The following ZEB1 variants were observed in gnomAD, a reference collection of about 807,000 sequenced individuals.
ZEB1 encodes the protein zinc finger E-box-binding homeobox 1.
ZEB1 carries 21 observed loss-of-function variants against 84.9 expected under a neutral mutation model. The ratio of observed to expected loss-of-function variants is 0.25; its 90% CI spans 0.18 to 0.36. ZEB1 has a LOEUF of 0.36. ZEB1 is among the 10% of genes least tolerant of loss of function. ZEB1 has a pLI of 1.00. For synonymous variants in ZEB1, 420 were observed against 471.1 expected (o/e 0.89, Z 1.41); for missense variants, 1,104 against 1,330.2 (o/e 0.83, Z 2.65).
intron 2 of ZEB1, among the ~76,000 whole-genome samples, chr10:31,485,000 A>G (rs529127140): frequency 2.0e-5 from 3 of 151,908 alleles, no homozygotes; most frequent in East Asian, 1.9e-4. Context: ...GGTCTTTCCA[A>G]TTTTGTATTT....
intron 3 of ZEB1, among the ~76,000 whole-genome samples, chr10:31,501,933 G>A (rs1315428184): frequency 1.3e-5 from 2 of 152,118 alleles, no homozygotes; most frequent in African/African-American, 2.4e-5. Flanking sequence ...ACAGATAAGG[G>A]GCTGTCTATT....
In ZEB1 at chr10:31,321,700, G is replaced by A. The variant is rs2034116107; in HGVS notation, c.58+2408G>A. 4.2e-6 allele frequency: 4 copies of A among 950,554 alleles called. No homozygotes were observed. In the Admixed American group the frequency reaches 8.1e-5, roughly 19 times the overall value. The allele number at this position is 950,554 out of a possible 1,614,324, so 58.9% of individuals were successfully genotyped here. ...ATGTTTACCTGAACAGGAAAGAATG[G>A]ATTTTTCTCCTTGAGATCCTGTGAT... On this transcript the variant is annotated intron_variant, in intron 1 of 8. Transcript: ENST00000424869.
chr10:31,426,180 C>A (rs1232841311), intron 1 of ZEB1, among the ~76,000 whole-genome samples: 2 of 152,150 alleles, frequency 1.3e-5, no homozygotes, highest in African/African-American at 2.4e-5. Context: ...GGTTAAAGTG[C>A]TTTGTAACTT....
At chr10:31,458,236 G>C (rs780260130) in intron 1 of ZEB1, among the ~76,000 whole-genome samples, 5 of 151,852 alleles carry the variant, frequency 3.3e-5, no homozygotes, top group Admixed American at 1.3e-4. Flanking sequence ...TTATCAAGTA[G>C]GTTGCTAATA....
At chr10:31,339,796 G>T (rs1178268503) in intron 1 of ZEB1, among the ~76,000 whole-genome samples, 1 of 151,434 alleles carries the variant, frequency 6.6e-6, no homozygotes, top group Non-Finnish European at 1.5e-5. Context: ...ATATAAAATA[G>T]TTTATAGCAG....
At chr10:31,342,657 TAAG>T (rs916151234) in intron 1 of ZEB1, among the ~76,000 whole-genome samples, 18 of 152,128 alleles carry the variant, frequency 1.2e-4, no homozygotes, top group Non-Finnish European at 2.1e-4. Context: ...GATCTATAGA[TAAG>T]AAGCAGCAGA....
rs1477127837 is a variant in ZEB1 at position 31,363,946 on chromosome 10, C to T, written c.58+44654C>T. The T allele has an allele frequency of 3.5e-5, 45 of 1,297,550 alleles. No homozygotes were observed. The South Asian group carries it at 4.2e-4, about 12-fold the overall frequency. 80.4% of individuals were successfully genotyped at this position (1,297,550 alleles called of 1,614,324 possible). Reference sequence around the variant, plus strand: ...AGGTGCAGGAGCTGCAGGGTGAGCCCGGCCAGCTGGGAAGGCCTCACGGAC... The same window carrying T: ...AGGTGCAGGAGCTGCAGGGTGAGCCTGGCCAGCTGGGAAGGCCTCACGGAC... On this transcript the variant is annotated intron_variant, in intron 1 of 8. Transcript: ENST00000424869.
intron 2 of ZEB1, among the ~76,000 whole-genome samples, chr10:31,475,217 A>AG (rs1192786605): frequency 6.8e-6 from 1 of 146,366 alleles, no homozygotes; most frequent in Admixed American, 6.6e-5. Flanking sequence ...TAATAATAAA[A>AG]GAAAAAAAAA....
chr10:31,520,277 G>T lies in ZEB1; in HGVS notation c.945G>T (p.Pro315=). The change falls in exon 7 of 9, where the codon CCG becomes CCT. Residue 315 remains proline, a synonymous_variant. Transcript: ENST00000424869. This position sits in a 1 kb window ranked among gnomAD's most constrained non-coding sequence, Gnocchi z 5.1. ...TCAAGACATCTCAGTGTTCTTCACC[G>T]TCTCTTTCAGCATCACCAGGCAGTC... ...TGLKTSQCSS[P]SLSASPGSPT... 4 of 1,613,860 alleles carry T rather than the reference G, an allele frequency of 2.5e-6. No individual in the cohort carries two copies. The highest frequency in any genetic ancestry group is 3.4e-6 in the Non-Finnish European group (4 of 1,179,886).
intron 1 of ZEB1, among the ~76,000 whole-genome samples, chr10:31,335,262 C>T (rs1451774455): frequency 6.6e-6 from 1 of 152,008 alleles, no homozygotes; most frequent in African/African-American, 2.4e-5. Flanking sequence ...TATATGCTAC[C>T]TGCCCATTAG....
intron 1 of ZEB1, among the ~76,000 whole-genome samples, chr10:31,325,974 T>TTG (rs1262278023): frequency 6.6e-6 from 1 of 151,044 alleles, no homozygotes; most frequent in African/African-American, 2.4e-5. Context: ...TGGGTTTTTT[T>TTG]TTTTTTTTTT....
chr10:31,458,256 A>G lies in ZEB1; in HGVS notation c.59-2781A>G, dbSNP rs1311234922. Among the ~76,000 whole-genome samples the G allele has an allele frequency of 1.3e-5, 2 of 151,982 alleles. 1 individual carries two copies. Among genetic ancestry groups the G allele is most frequent in the Non-Finnish European group, 2.9e-5 (2 of 67,972 alleles). ...AAGTAGGTTGCTAATAAGTACTGAA[A>G]GTAAAAATGAAAGTTAATAGCATTG... On this transcript the variant is annotated intron_variant, in intron 1 of 8. Coordinates refer to ENST00000424869, the MANE Select transcript of ZEB1 (RefSeq NM_001174096.2).
chr10:31,387,537 C>A (rs1343099373), intron 1 of ZEB1, among the ~76,000 whole-genome samples: 1 of 152,108 alleles, frequency 6.6e-6, no homozygotes, highest in African/African-American at 2.4e-5. Flanking sequence ...TGCATTTATT[C>A]AGTTAATAAC....
At chr10:31,519,479 C>G (rs1592074777) in intron 6 of ZEB1, among the ~76,000 whole-genome samples, 1 of 152,126 alleles carries the variant, frequency 6.6e-6, no homozygotes, top group South Asian at 2.1e-4. Context: ...AATGTTTTAT[C>G]ATATCCACTG....
intron 1 of ZEB1, among the ~76,000 whole-genome samples, chr10:31,325,430 A>G (rs1203199799): frequency 2.6e-5 from 4 of 152,000 alleles, no homozygotes; most frequent in Admixed American, 2.6e-4. Context: ...TTCCCTCTAT[A>G]CATAGGGATT....
At chr10:31,493,547 T>C (rs1403112573) in intron 2 of ZEB1, among the ~76,000 whole-genome samples, 2 of 152,034 alleles carry the variant, frequency 1.3e-5, no homozygotes, top group Admixed American at 6.6e-5. Flanking sequence ...CAAGTAGATT[T>C]TATTACTTTA....
chr10:31,501,142 G>A (rs1453495000), intron 3 of ZEB1, among the ~76,000 whole-genome samples: 1 of 152,180 alleles, frequency 6.6e-6, no homozygotes, highest in Non-Finnish European at 1.5e-5. Context: ...GCCTGCTGGG[G>A]AGTGCTGTTT....
chr10:31,363,642 T>C lies in ZEB1; in HGVS notation c.58+44350T>C, dbSNP rs1410284220. ...TGGCTGGGATCACCTGATCATCTAA[T>C]GAAGGAAGTTGAAGGTTAAACTTGC... On this transcript the variant is annotated intron_variant, in intron 1 of 8. Coordinates refer to ENST00000424869, the MANE Select transcript of ZEB1 (RefSeq NM_001174096.2). 4.1e-6 allele frequency: 6 copies of C among 1,454,608 alleles called. No homozygotes were observed. In the Middle Eastern group the frequency reaches 5.2e-4, roughly 125 times the overall value. The allele number at this position is 1,454,608 out of a possible 1,614,324, so 90.1% of individuals were successfully genotyped here. A position where few individuals can be genotyped will look rare whatever the true frequency, so the allele number is the denominator to read the frequency against.
rs559564972 is a variant in ZEB1 at position 31,430,367 on chromosome 10, G to A, written c.59-30670G>A. Among the ~76,000 whole-genome samples, 15 of 152,198 alleles carry A rather than the reference G, an allele frequency of 9.9e-5. No homozygotes were observed. In the South Asian group the frequency reaches 1.2e-3, roughly 13 times the overall value. On this transcript the variant is annotated intron_variant, in intron 1 of 8. Coordinates refer to ENST00000424869, the MANE Select transcript of ZEB1 (RefSeq NM_001174096.2). ...ATTCAGTCCTTAAAAAATCTTATAA[G>A]TAGTTATTATTCTCCCATTATATGT...
Sources: gnomAD v4.1 joint callset for allele counts (sites outside exome capture counted in the v4.1 genomes callset) on GRCh38, gnomAD v4.1.1 for gene constraint, Gnocchi (gnomAD v3.1) non-coding constraint, MANE v1.5 for transcripts, NCBI Gene and HGNC (gene_info 2026-07-23, HGNC 2026-07-21) for gene names.